Variants in UBE2E1 observed in about 807,000 individuals in gnomAD.
UBE2E1 encodes ubiquitin conjugating enzyme E2 E1.
A neutral mutation model predicts 21.4 loss-of-function variants in UBE2E1; 6 were observed. The observed-to-expected ratio is 0.28, with a 90% confidence interval of 0.15 to 0.55. The LOEUF is 0.55. Among genes scored for constraint, UBE2E1 ranks in the 20% least tolerant of loss-of-function variants. UBE2E1 has a pLI of 0.93. For missense variants in UBE2E1, 142 were observed against 236.5 expected (o/e 0.60, Z 2.62); for synonymous variants, 87 against 82.7 (o/e 1.05, Z -0.28).
At chr3:23,848,253 G>C (rs998111063) in intron 3 of UBE2E1, among the ~76,000 whole-genome samples, 7 of 152,178 alleles carry the variant, frequency 4.6e-5, no homozygotes, top group Non-Finnish European at 8.8e-5. Flanking sequence ...TGGATCACTT[G>C]AGGTCAGGAG....
chr3:23,849,736 T>A (rs1700282882), intron 3 of UBE2E1, among the ~76,000 whole-genome samples: 1 of 152,224 alleles, frequency 6.6e-6, no homozygotes, highest in Admixed American at 6.5e-5. Flanking sequence ...ATGTGCCACG[T>A]TTTCTTTATC....
At chr3:23,826,657 T>C (rs1238717066) in intron 3 of UBE2E1, among the ~76,000 whole-genome samples, 4 of 152,214 alleles carry the variant, frequency 2.6e-5, no homozygotes, top group Non-Finnish European at 5.9e-5. Flanking sequence ...GATATGACTA[T>C]GGAGGGAGAA....
In UBE2E1 at chr3:23,839,447, G is replaced by A. The variant is rs980210845; in HGVS notation, c.203+27937G>A. On this transcript the variant is annotated intron_variant, in intron 3 of 5. Coordinates refer to ENST00000306627, the MANE Select transcript of UBE2E1 (RefSeq NM_003341.5). Reference sequence around the variant, plus strand: ...CCACTGTACTCCAGCCTTGGCAACAGAGAGAGAGTCTGTCTCAAAAAAAGA... The same window carrying A: ...CCACTGTACTCCAGCCTTGGCAACAAAGAGAGAGTCTGTCTCAAAAAAAGA... Among the ~76,000 whole-genome samples the A allele has an allele frequency of 2.4e-4, 37 of 151,864 alleles. No individual in the cohort carries two copies. In the East Asian group the frequency reaches 7.0e-3, roughly 29 times the overall value.
chr3:23,823,069 A>G lies in UBE2E1; in HGVS notation c.203+11559A>G, dbSNP rs1699679696. On this transcript the variant is annotated intron_variant, in intron 3 of 5. Transcript: ENST00000306627. The surrounding 1 kb of genome is among the most constrained non-coding windows in gnomAD (Gnocchi z 4.2). ...ACCATGTTGGCCAGGCTAGTCGAAAACTCCTGACCTTGTGATCCACCTGCC... is the reference window on the plus strand; with the variant it reads ...ACCATGTTGGCCAGGCTAGTCGAAAGCTCCTGACCTTGTGATCCACCTGCC... Among the ~76,000 whole-genome samples the G allele has an allele frequency of 6.6e-6, 1 of 151,114 alleles. No individual in the cohort carries two copies. The highest frequency in any genetic ancestry group is 2.4e-5 in the African/African-American group (1 of 41,034).
intron 3 of UBE2E1, among the ~76,000 whole-genome samples, chr3:23,829,154 G>A (rs1451237845): frequency 1.8e-5 from 2 of 111,660 alleles, no homozygotes; most frequent in Non-Finnish European, 3.5e-5. Flanking sequence ...ATTATTTTGA[G>A]ACAGGGCCTC....
At chr3:23,820,933 A>C (rs946854948) in intron 3 of UBE2E1, among the ~76,000 whole-genome samples, 1 of 152,212 alleles carries the variant, frequency 6.6e-6, no homozygotes, top group Admixed American at 6.5e-5. Context: ...GATGAGAGTA[A>C]ATAGAGTAAC....
chr3:23,841,619 A>G (rs889853229), intron 3 of UBE2E1, among the ~76,000 whole-genome samples: 1 of 152,254 alleles, frequency 6.6e-6, no homozygotes, highest in African/African-American at 2.4e-5. Context: ...GAAAATATAA[A>G]TATCATGCAT....
rs191270667 is a variant in UBE2E1 at position 23,823,601 on chromosome 3, A to G, written c.203+12091A>G. On this transcript the variant is annotated intron_variant, in intron 3 of 5. Transcript: ENST00000306627. This position sits in a 1 kb window ranked among gnomAD's most constrained non-coding sequence, Gnocchi z 4.2. ...AATTTATTTCTTAGCAGACTTTGCT[A>G]CAACACATTTATCCTAAATAAAAGG... is the stretch of plus-strand genomic sequence containing the variant. Among the ~76,000 whole-genome samples the G allele has an allele frequency of 6.6e-5, 10 of 152,236 alleles. No individual in the cohort carries two copies. The highest frequency in any genetic ancestry group is 1.3e-4 in the Non-Finnish European group (9 of 68,042).
At chr3:23,822,775 T>G (rs1389928150) in intron 3 of UBE2E1, among the ~76,000 whole-genome samples, 1 of 152,244 alleles carries the variant, frequency 6.6e-6, no homozygotes, top group African/African-American at 2.4e-5. Flanking sequence ...ATGTATTTAC[T>G]TTTAACACAG....
At chr3:23,860,374 T>A (rs769612524) in intron 3 of UBE2E1, among the ~76,000 whole-genome samples, 5 of 152,242 alleles carry the variant, frequency 3.3e-5, no homozygotes, top group Non-Finnish European at 7.3e-5. Context: ...GTATGCTTCC[T>A]TGTGGCTTTG....
chr3:23,887,893 A>T lies in UBE2E1; in HGVS notation c.336+194A>T. 1 of 692,240 alleles carries T rather than the reference A, an allele frequency of 1.4e-6. No homozygotes were observed. The highest frequency in any genetic ancestry group is 3.3e-5 in the Admixed American group (1 of 29,942). The allele number at this position is 692,240 out of a possible 1,614,324, so 42.9% of individuals were successfully genotyped here. A position where few individuals can be genotyped will look rare whatever the true frequency, so the allele number is the denominator to read the frequency against. On this transcript the variant is annotated intron_variant, in intron 4 of 5. Transcript: ENST00000306627. The surrounding 1 kb of genome is among the most constrained non-coding windows in gnomAD (Gnocchi z 4.4). ...TCTGGCAGAGACCATTCTAGGATTA[A>T]GTGCTTTGTTTTGATGGTGCTTAAA...
intron 3 of UBE2E1, among the ~76,000 whole-genome samples, chr3:23,875,741 C>G (rs540274399): frequency 2.6e-5 from 4 of 152,220 alleles, no homozygotes; most frequent in Non-Finnish European, 5.9e-5. Flanking sequence ...CCACCGTGTT[C>G]CAGTATAACT....
intron 3 of UBE2E1, among the ~76,000 whole-genome samples, chr3:23,821,772 G>A (rs905957580): frequency 3.3e-5 from 5 of 152,192 alleles, no homozygotes; most frequent in African/African-American, 1.2e-4. Flanking sequence ...GCGCGTGTGT[G>A]GTGGGTGGCA....
chr3:23,815,130 G>C (rs55932805), intron 3 of UBE2E1, among the ~76,000 whole-genome samples: 1 of 151,946 alleles, frequency 6.6e-6, no homozygotes, highest in Non-Finnish European at 1.5e-5. Context: ...ACAGGCGTTC[G>C]ACACTACACT....
intron 3 of UBE2E1, among the ~76,000 whole-genome samples, chr3:23,843,207 C>T (rs962815339): frequency 6.6e-6 from 1 of 151,986 alleles, no homozygotes; most frequent in Non-Finnish European, 1.5e-5. Context: ...GAGGCAAGAC[C>T]ATTAGGTTAC....
intron 3 of UBE2E1, among the ~76,000 whole-genome samples, chr3:23,818,457 A>G (rs560344334): frequency 2.0e-5 from 3 of 152,326 alleles, no homozygotes; most frequent in East Asian, 3.9e-4. Context: ...CTGACCCTAC[A>G]TGTTCTTCCC....
chr3:23,888,101 T>A, intron 4 of UBE2E1: 1 of 406,060 alleles, frequency 2.5e-6, no homozygotes, highest in Non-Finnish European at 4.9e-6. Flanking sequence ...GAGTCCAGTC[T>A]GGGCAACAAA....
At chr3:23,815,147 ATTTT>A (rs1699488497) in intron 3 of UBE2E1, among the ~76,000 whole-genome samples, 1 of 152,026 alleles carries the variant, frequency 6.6e-6, no homozygotes, top group Admixed American at 6.6e-5. Flanking sequence ...CACTCGGTTA[ATTTT>A]TTGTATTTTT....
chr3:23,833,086 A>G (rs1275912643), intron 3 of UBE2E1, among the ~76,000 whole-genome samples: 2 of 152,222 alleles, frequency 1.3e-5, no homozygotes, highest in African/African-American at 4.8e-5. Flanking sequence ...TTTTAACTAT[A>G]TAACACCATA....
Sources: allele counts gnomAD v4.1 joint callset (sites outside exome capture counted in the v4.1 genomes callset), GRCh38; gene constraint gnomAD v4.1.1; non-coding constraint Gnocchi (gnomAD v3.1); transcripts MANE v1.5; gene names NCBI Gene and HGNC (gene_info 2026-07-23, HGNC 2026-07-21).